OTUD7A: variants seen among roughly 807,000 people sequenced by gnomAD.
OTUD7A encodes the protein OTU deubiquitinase 7A, also known as OTU domain-containing protein 7A.
A neutral mutation model predicts 65.7 loss-of-function variants in OTUD7A; 12 were observed. The observed-to-expected ratio is 0.18, with a 90% CI of 0.12 to 0.30. OTUD7A has a LOEUF of 0.30. Ranked by LOEUF, OTUD7A falls within the 10% of genes least tolerant of loss-of-function variation. OTUD7A has a pLI of 1.00. For synonymous variants in OTUD7A, 641 were observed against 586.3 expected (o/e 1.09, Z -1.35); for missense variants, 1,148 against 1,304.8 (o/e 0.88, Z 1.85).
intron 5 of OTUD7A, among the ~76,000 whole-genome samples, chr15:31,532,952 A>AAAG (rs1887680054): frequency 6.6e-6 from 1 of 150,626 alleles, no homozygotes; most frequent in Non-Finnish European, 1.5e-5. Context: ...AAAAAAAAAA[A>AAAG]AAGTGTTCAA....
intron 3 of OTUD7A, among the ~76,000 whole-genome samples, chr15:31,595,523 C>T (rs905210455): frequency 2.6e-5 from 4 of 152,240 alleles, no homozygotes; most frequent in East Asian, 1.9e-4. Context: ...AAGTAGATCA[C>T]GGCTACATCA....
chr15:31,626,623 T>A (rs1314762923), intron 3 of OTUD7A, among the ~76,000 whole-genome samples: 4 of 152,196 alleles, frequency 2.6e-5, no homozygotes, highest in Admixed American at 2.6e-4. Context: ...TTGCCCAAGT[T>A]GGATTGCAGT....
chr15:31,646,856 A>G (rs1034255163), intron 3 of OTUD7A, among the ~76,000 whole-genome samples: 26 of 152,178 alleles, frequency 1.7e-4, no homozygotes, highest in Non-Finnish European at 4.4e-5. Flanking sequence ...AGCTTCCCCA[A>G]TAGGAAGGAA....
intron 1 of OTUD7A, among the ~76,000 whole-genome samples, chr15:31,823,462 G>C (rs1272707566): frequency 1.3e-5 from 2 of 152,116 alleles, no homozygotes; most frequent in East Asian, 3.8e-4. Context: ...CAACAAAGAG[G>C]ATACATTTAT....
chr15:31,835,226 A>C (rs951865935), intron 1 of OTUD7A, among the ~76,000 whole-genome samples: 1 of 152,262 alleles, frequency 6.6e-6, no homozygotes, highest in Non-Finnish European at 1.5e-5. Flanking sequence ...TACCAGATAA[A>C]ACAGGATGTC....
chr15:31,863,397 C>A (rs573121738), intron 1 of OTUD7A, among the ~76,000 whole-genome samples: 35 of 152,312 alleles, frequency 2.3e-4, no homozygotes, highest in Admixed American at 2.2e-3. Context: ...GAGGGCCCCA[C>A]CCCTGCAGCA....
chr15:31,813,746 A>G (rs924958386), intron 1 of OTUD7A, among the ~76,000 whole-genome samples: 1 of 152,230 alleles, frequency 6.6e-6, no homozygotes, highest in East Asian at 1.9e-4. Flanking sequence ...TAACTTGGGA[A>G]ACTTCCAGTT....
chr15:31,857,249 C>A (rs1897599113), intron 1 of OTUD7A, among the ~76,000 whole-genome samples: 2 of 152,184 alleles, frequency 1.3e-5, no homozygotes, highest in Non-Finnish European at 2.9e-5. Flanking sequence ...CCAACGAGAG[C>A]CCACGGTAGC....
At chr15:31,600,275 CA>C (rs1329874142) in intron 3 of OTUD7A, among the ~76,000 whole-genome samples, 1 of 152,170 alleles carries the variant, frequency 6.6e-6, no homozygotes, top group East Asian at 1.9e-4. Flanking sequence ...AGGTTACCCA[CA>C]AAGGGAAGCC....
chr15:31,844,430 G>A (rs1444984697), intron 1 of OTUD7A, among the ~76,000 whole-genome samples: 1 of 152,280 alleles, frequency 6.6e-6, no homozygotes. Context: ...CCAGGAGGCG[G>A]AGGTTGCAGT....
At chr15:31,566,195 G>GGA (rs1888868512) in intron 4 of OTUD7A, among the ~76,000 whole-genome samples, 1 of 105,884 alleles carries the variant, frequency 9.4e-6, no homozygotes, top group African/African-American at 2.8e-5. Context: ...CATCTCAAAA[G>GGA]AAAAAAAAAA....
In OTUD7A at chr15:31,768,343, C is replaced by T. The variant is rs73378670; in HGVS notation, c.-100+102164G>A. 4,296 of 593,722 alleles carry T rather than the reference C, an allele frequency of 7.2e-3. 121 individuals carry two copies. The highest frequency in any genetic ancestry group is 0.059 in the African/African-American group (3,189 of 53,832). 36.8% of individuals were successfully genotyped at this position (593,722 alleles called of 1,614,324 possible). A position where few individuals can be genotyped will look rare whatever the true frequency, so the allele number is the denominator to read the frequency against. Reference sequence around the variant, plus strand: ...TAGAGGGCTGCGTGGATTGGCCTCACAATTTCTATACAATATCTATAAAGT... The same window carrying T: ...TAGAGGGCTGCGTGGATTGGCCTCATAATTTCTATACAATATCTATAAAGT... On this transcript the variant is annotated intron_variant, in intron 1 of 12. Coordinates refer to ENST00000307050, the MANE Select transcript of OTUD7A (RefSeq NM_001382637.1).
At chr15:31,659,247 AG>A (rs1164863059) in intron 1 of OTUD7A, among the ~76,000 whole-genome samples, 4 of 152,188 alleles carry the variant, frequency 2.6e-5, no homozygotes, top group Non-Finnish European at 5.9e-5. Context: ...GGACAGGTAC[AG>A]GAAGACTATG....
chr15:31,558,167 G>C (rs1224558551), intron 5 of OTUD7A: 1 of 152,256 alleles, frequency 6.6e-6, no homozygotes, highest in Non-Finnish European at 1.5e-5. Context: ...TTCCACATGC[G>C]TGCCTGAGAA....
At chr15:31,824,350 C>T (rs531026825) in intron 1 of OTUD7A, among the ~76,000 whole-genome samples, 6 of 152,196 alleles carry the variant, frequency 3.9e-5, no homozygotes, top group Non-Finnish European at 5.9e-5. Context: ...AAGGATGCTC[C>T]ATGCATGAAT....
chr15:31,488,930 G>A (rs921983902), intron 10 of OTUD7A, among the ~76,000 whole-genome samples: 1 of 152,224 alleles, frequency 6.6e-6, no homozygotes, highest in African/African-American at 2.4e-5. Context: ...GGAAAGTGCA[G>A]TGCTCTGATT....
chr15:31,715,182 C>T (rs955969622), intron 1 of OTUD7A, among the ~76,000 whole-genome samples: 14 of 152,182 alleles, frequency 9.2e-5, no homozygotes, highest in Non-Finnish European at 1.6e-4. Flanking sequence ...TCCTACCTTG[C>T]TTGAAACCCA....
chr15:31,528,189 C>T (rs1013588622), intron 6 of OTUD7A, among the ~76,000 whole-genome samples: 12 of 152,150 alleles, frequency 7.9e-5, no homozygotes, highest in South Asian at 4.1e-4. Context: ...ACAGAGTGTA[C>T]GATGTTGAGG....
intron 1 of OTUD7A, among the ~76,000 whole-genome samples, chr15:31,715,421 C>T (rs1893559094): frequency 6.6e-6 from 1 of 151,722 alleles, no homozygotes; most frequent in Non-Finnish European, 1.5e-5. Flanking sequence ...GCTTCCCTTC[C>T]CCCTCCTTTT....
Sources: gnomAD v4.1 joint callset for allele counts (sites outside exome capture counted in the v4.1 genomes callset) on GRCh38, gnomAD v4.1.1 for gene constraint, MANE v1.5 for transcripts, NCBI Gene and HGNC (gene_info 2026-07-23, HGNC 2026-07-21) for gene names.